CTDSPL: variants seen among roughly 807,000 people sequenced by gnomAD.
CTDSPL encodes the protein CTD small phosphatase-like protein.
Under a neutral mutation model 30.5 loss-of-function variants are expected in CTDSPL, and 8 were observed. The observed-to-expected ratio is 0.26, with a 90% CI of 0.15 to 0.47. The LOEUF is 0.47. Ranked by LOEUF, CTDSPL falls within the 20% of genes least tolerant of loss-of-function variation. The pLI is 0.99. For missense variants in CTDSPL, 248 were observed against 366.1 expected, an observed-to-expected ratio of 0.68 and a Z score of 2.63; for synonymous variants, 110 against 137.9, an observed-to-expected ratio of 0.80 and a Z score of 1.42.
chr3:37,883,996 G>T (rs557899798), intron 1 of CTDSPL, among the ~76,000 whole-genome samples: 2 of 152,222 alleles, frequency 1.3e-5, no homozygotes, highest in Admixed American at 1.3e-4. Context: ...GTCCTTAAGG[G>T]TTTAGGGAAA....
At chr3:37,912,933 T>C (rs1698599873) in intron 1 of CTDSPL, among the ~76,000 whole-genome samples, 1 of 152,238 alleles carries the variant, frequency 6.6e-6, no homozygotes, top group Admixed American at 6.5e-5. Flanking sequence ...TTCCATTTAA[T>C]CTTCACAAAA....
intron 1 of CTDSPL, among the ~76,000 whole-genome samples, chr3:37,899,616 A>C (rs1698426884): frequency 6.6e-6 from 1 of 152,216 alleles, no homozygotes; most frequent in Non-Finnish European, 1.5e-5. Flanking sequence ...AGACACGCTC[A>C]AACTGAAGGC....
chr3:37,945,845 C>T (rs922339676), intron 1 of CTDSPL, among the ~76,000 whole-genome samples: 1 of 152,214 alleles, frequency 6.6e-6, no homozygotes, highest in Non-Finnish European at 1.5e-5. Context: ...TCAGAATTTC[C>T]ATCTGAATGC....
At chr3:37,969,702 C>T (rs2125632913) in intron 5 of CTDSPL, among the ~76,000 whole-genome samples, 1 of 152,318 alleles carries the variant, frequency 6.6e-6, no homozygotes. Context: ...CAGGCCCTGC[C>T]CTCAGCCCTA....
At chr3:37,917,562 T>TA (rs1698663677) in intron 1 of CTDSPL, among the ~76,000 whole-genome samples, 1 of 152,222 alleles carries the variant, frequency 6.6e-6, no homozygotes, top group Admixed American at 6.5e-5. Flanking sequence ...GTTGGAAATG[T>TA]AGCCTTACAG....
intron 1 of CTDSPL, among the ~76,000 whole-genome samples, chr3:37,945,044 G>T (rs977626078): frequency 1.3e-5 from 2 of 150,318 alleles, no homozygotes; most frequent in Admixed American, 1.3e-4. Flanking sequence ...TAGGACCTGG[G>T]AAGGTGCTTT....
At position 37,908,942 on chromosome 3, in the gene CTDSPL, G is replaced by A. The variant is rs538325065; in HGVS notation, c.80-38115G>A. On this transcript the variant is annotated intron_variant, in intron 1 of 7. Coordinates refer to ENST00000273179, the MANE Select transcript of CTDSPL (RefSeq NM_001008392.2). ...GAGTGGTCTTGGGTTATTCTTTTCC[G>A]TATATATGTAGCCTTTACTCAATAT... is the stretch of plus-strand genomic sequence containing the variant. 1.1e-4 allele frequency among the ~76,000 whole-genome samples: 17 copies of A among 152,170 alleles called. No individual in the cohort carries two copies. The South Asian group carries it at 1.2e-3, about 11-fold the overall frequency.
chr3:37,982,583 A>C lies in CTDSPL; in HGVS notation c.*1716A>C, dbSNP rs1467849394. On this transcript the variant is annotated 3_prime_UTR_variant, in exon 8 of 8. Coordinates refer to ENST00000273179, the MANE Select transcript of CTDSPL (RefSeq NM_001008392.2). ...TCACAAAGTAATGAAGCCAGCTGCC[A>C]ATTACATCCTCCCAACAGCACTTTG... 3 of 456,726 alleles carry C rather than the reference A, an allele frequency of 6.6e-6. No individual in the cohort carries two copies. Among genetic ancestry groups the C allele is most frequent in the African/African-American group, 6.0e-5 (3 of 50,206 alleles). The allele number at this position is 456,726 out of a possible 1,614,324, so 28.3% of individuals were successfully genotyped here. A position where few individuals can be genotyped will look rare whatever the true frequency, so the allele number is the denominator to read the frequency against.
At chr3:37,928,062 G>C (rs776654431) in intron 1 of CTDSPL, among the ~76,000 whole-genome samples, 1 of 152,162 alleles carries the variant, frequency 6.6e-6, no homozygotes, top group South Asian at 2.1e-4. Flanking sequence ...GCTGTGGCAC[G>C]TGTCAAAATT....
intron 1 of CTDSPL, among the ~76,000 whole-genome samples, chr3:37,924,884 C>T (rs775549709): frequency 2.0e-5 from 3 of 152,282 alleles, no homozygotes; most frequent in African/African-American, 4.8e-5. Flanking sequence ...TGCTGTCTGT[C>T]CTTCATACAC....
chr3:37,911,954 C>G (rs940303667), intron 1 of CTDSPL: 1 of 254,116 alleles, frequency 3.9e-6, no homozygotes, highest in South Asian at 3.9e-5. Context: ...CCCAGCTACT[C>G]GGGAGGCTGA....
intron 1 of CTDSPL, among the ~76,000 whole-genome samples, chr3:37,943,082 G>A (rs1238295450): frequency 6.7e-6 from 1 of 150,278 alleles, no homozygotes; most frequent in Admixed American, 6.7e-5. Context: ...CAGATGTCTA[G>A]CTTAGGATAT....
At chr3:37,913,990 C>T (rs1698613410) in intron 1 of CTDSPL, among the ~76,000 whole-genome samples, 1 of 152,196 alleles carries the variant, frequency 6.6e-6, no homozygotes, top group African/African-American at 2.4e-5. Context: ...CTATGGTTTT[C>T]ATTGAGATTG....
chr3:37,922,057 C>A (rs912092836), intron 1 of CTDSPL, among the ~76,000 whole-genome samples: 2 of 152,078 alleles, frequency 1.3e-5, no homozygotes, highest in Non-Finnish European at 1.5e-5. Context: ...CATGGTGAAA[C>A]CCCATCTCTA....
intron 1 of CTDSPL, among the ~76,000 whole-genome samples, chr3:37,916,047 C>G (rs1025528536): frequency 6.6e-6 from 1 of 152,128 alleles, no homozygotes; most frequent in Admixed American, 6.5e-5. Flanking sequence ...TTGGGTATAG[C>G]CCTTGGAGAA....
intron 4 of CTDSPL, 89 bp from the exon 5 acceptor site, chr3:37,967,737 A>G (rs1180006837): frequency 4.5e-6 from 4 of 888,946 alleles, no homozygotes; most frequent in Non-Finnish European, 7.0e-6. Flanking sequence ...TAACCAAAAC[A>G]TTGGTCTAGG....
chr3:37,964,016 T>C (rs145724672), intron 3 of CTDSPL, among the ~76,000 whole-genome samples: 3 of 100,770 alleles, frequency 3.0e-5, no homozygotes, highest in East Asian at 6.7e-4. Context: ...TCAAGTTTTT[T>C]AAAAATCTCA....
intron 3 of CTDSPL, 54 bp from the exon 4 acceptor site, chr3:37,964,517 C>A (rs1699278607): frequency 8.0e-7 from 1 of 1,242,606 alleles, no homozygotes; most frequent in East Asian, 2.3e-5. Context: ...TAATGCAATA[C>A]TGATTGGTTT....
chr3:37,950,838 G>A (rs553898819), intron 2 of CTDSPL, among the ~76,000 whole-genome samples: 13 of 152,132 alleles, frequency 8.5e-5, no homozygotes, highest in Non-Finnish European at 1.8e-4. Flanking sequence ...TATTTTCAAG[G>A]AAAACAATTA....
Sources: allele counts gnomAD v4.1 joint callset (sites outside exome capture counted in the v4.1 genomes callset), GRCh38; gene constraint gnomAD v4.1.1; transcripts MANE v1.5; gene names NCBI Gene and HGNC (gene_info 2026-07-23, HGNC 2026-07-21).